SH2D4A: variants seen among roughly 807,000 people sequenced by gnomAD.
The protein encoded by SH2D4A is SH2 domain containing 4A.
SH2D4A carries 70 observed loss-of-function variants against 64.7 expected under a neutral mutation model. The ratio of observed to expected loss-of-function variants is 1.08; its 90% CI spans 0.89 to 1.32. The LOEUF (loss-of-function observed/expected upper bound fraction) is 1.32. Among genes scored for constraint, SH2D4A ranks in the 40% most tolerant of loss-of-function variants. The probability of loss-of-function intolerance (pLI) is 0.00; values close to 1 mark genes in which losing one functional copy is unlikely to be tolerated. For missense variants in SH2D4A, 706 were observed against 540.1 expected, an observed-to-expected ratio of 1.31 and a Z score of -3.04; for synonymous variants, 268 against 200.7, an observed-to-expected ratio of 1.34 and a Z score of -2.83.
chr8:19,364,184 G>T lies in SH2D4A; in HGVS notation c.819G>T (p.Leu273=), dbSNP rs371036317. The T allele has an allele frequency of 6.2e-7, 1 of 1,614,030 alleles. No homozygotes were observed. Among genetic ancestry groups the T allele is most frequent in the Non-Finnish European group, 8.5e-7 (1 of 1,180,006 alleles). Residue 273 remains leucine, a synonymous_variant, in exon 7 of 10, where the codon CTG becomes CTT. Transcript: ENST00000265807. ...GAQKGRGGER[L]QSPLRVPQKP... ...AGAAAGGAAGAGGCGGTGAGAGGCT[G>T]CAAAGCCCCTTGCGTGTTCCGCAGA...
At chr8:19,345,385 T>C (rs1053108312) in intron 4 of SH2D4A, among the ~76,000 whole-genome samples, 3 of 152,266 alleles carry the variant, frequency 2.0e-5, no homozygotes, top group South Asian at 2.1e-4. Context: ...GAATGTTTTT[T>C]CTTATCACTA....
chr8:19,393,392 A>C lies in SH2D4A; in HGVS notation c.1123A>C (p.Ser375Arg), dbSNP rs1472696310. The C allele has an allele frequency of 6.2e-7, 1 of 1,614,006 alleles. No individual in the cohort carries two copies. ...GMPGSFLIRVSERIKGYALSY... is the reference protein window; with the variant it reads ...GMPGSFLIRVRERIKGYALSY... ...GCCCGGCAGTTTTCTCATCCGAGTC[A>C]GTGAAAGGATCAAAGGCTATGCCCT... Residue 375 changes from serine (S) to arginine (R), a missense_variant, in exon 9 of 10, where the codon AGT becomes CGT. Physicochemically the swap from Ser to Arg is moderately radical, Grantham distance 110. Coordinates refer to ENST00000265807, the MANE Select transcript of SH2D4A (RefSeq NM_022071.4).
chr8:19,369,919 CTTTCT>C (rs2053066141), intron 7 of SH2D4A, among the ~76,000 whole-genome samples: 2 of 151,950 alleles, frequency 1.3e-5, no homozygotes, highest in Non-Finnish European at 2.9e-5. Flanking sequence ...TATTTGATAT[CTTTCT>C]ACTTTTTTGA....
chr8:19,372,500 A>G (rs1219679111), intron 7 of SH2D4A, among the ~76,000 whole-genome samples: 5 of 152,094 alleles, frequency 3.3e-5, no homozygotes, highest in African/African-American at 7.2e-5. Flanking sequence ...TGGAGCTGAT[A>G]TTGGACCCCA....
rs187082815 is a variant in SH2D4A at position 19,325,651 on chromosome 8, C to G, written c.181+5923C>G. Among the ~76,000 whole-genome samples the G allele has an allele frequency of 3.9e-5, 6 of 152,178 alleles. No homozygotes were observed. The South Asian group carries it at 1.2e-3, about 31-fold the overall frequency. ...CTAGTTCTTCCATCTGCTTTTCCAG[C>G]GGAGGTTCTCTCGTTTCTATACTGC... is the stretch of plus-strand genomic sequence containing the variant. On this transcript the variant is annotated intron_variant, in intron 2 of 9. Coordinates refer to ENST00000265807, the MANE Select transcript of SH2D4A (RefSeq NM_022071.4).
At chr8:19,358,626 A>G (rs1162281325) in intron 5 of SH2D4A, among the ~76,000 whole-genome samples, 3 of 152,168 alleles carry the variant, frequency 2.0e-5, no homozygotes, top group Non-Finnish European at 4.4e-5. Flanking sequence ...ATGGTGGGGA[A>G]AGGGCTGATC....
chr8:19,321,700 G>A (rs1008724884), intron 2 of SH2D4A, among the ~76,000 whole-genome samples: 1 of 152,102 alleles, frequency 6.6e-6, no homozygotes, highest in Non-Finnish European at 1.5e-5. Context: ...GGATTCCCCA[G>A]TCAGAGTTTT....
chr8:19,373,454 A>ATG, intron 7 of SH2D4A, 76 bp from the exon 8 acceptor site: 1 of 930,770 alleles, frequency 1.1e-6, no homozygotes, highest in South Asian at 2.4e-5. Flanking sequence ...GTATATATAT[A>ATG]TATATATATA....
chr8:19,351,618 A>AAAAAAC (rs1007625241), intron 4 of SH2D4A, among the ~76,000 whole-genome samples: 1 of 152,122 alleles, frequency 6.6e-6, no homozygotes, highest in African/African-American at 2.4e-5. Context: ...ACAAAACAAA[A>AAAAAAC]AAAAACAAAA....
chr8:19,314,100 C>T (rs1172818295), intron 1 of SH2D4A: 3 of 1,158,126 alleles, frequency 2.6e-6, no homozygotes, highest in Non-Finnish European at 3.2e-6. Flanking sequence ...GTCCCCGGGG[C>T]CTGGGGGCTT....
intron 8 of SH2D4A, chr8:19,375,699 G>A (rs1263706792): frequency 6.6e-6 from 1 of 152,154 alleles, no homozygotes; most frequent in East Asian, 1.9e-4. Context: ...GTAGTTAATA[G>A]AGTATTGTGT....
chr8:19,383,446 G>T (rs1341138850), intron 8 of SH2D4A, among the ~76,000 whole-genome samples: 2 of 149,618 alleles, frequency 1.3e-5, no homozygotes, highest in African/African-American at 4.9e-5. Flanking sequence ...TTGTGCATAC[G>T]TAAAGTCTTT....
chr8:19,395,770 C>T lies in SH2D4A; in HGVS notation c.*1128C>T, dbSNP rs150056941. 1 of 152,174 alleles carries T rather than the reference C, an allele frequency of 6.6e-6. No homozygotes were observed. The highest frequency in any genetic ancestry group is 6.5e-5 in the Admixed American group (1 of 15,274). 9.4% of individuals were successfully genotyped at this position (152,174 alleles called of 1,614,324 possible). ...ATGGCCCTGACTTCAGAATTCCAGACTCCAGAACTGGAAGAATAAATGTCT... is the reference window on the plus strand; with the variant it reads ...ATGGCCCTGACTTCAGAATTCCAGATTCCAGAACTGGAAGAATAAATGTCT... On this transcript the variant is annotated 3_prime_UTR_variant, in exon 10 of 10. Transcript: ENST00000265807.
chr8:19,359,732 AG>A (rs1282755672), intron 5 of SH2D4A, among the ~76,000 whole-genome samples: 3,973 of 152,316 alleles, frequency 0.026, 152 homozygotes, highest in African/African-American at 0.09. Flanking sequence ...ACAGAAGTTT[AG>A]TTACATCTGC....
intron 8 of SH2D4A, 42 bp from the exon 9 acceptor site, chr8:19,393,276 A>ATGAT: frequency 6.3e-7 from 1 of 1,584,122 alleles, no homozygotes; most frequent in Non-Finnish European, 8.7e-7. Flanking sequence ...ATTTTCTGGA[A>ATGAT]TGATTTGGCT....
At chr8:19,348,154 G>C (rs1220969413) in intron 4 of SH2D4A, among the ~76,000 whole-genome samples, 1 of 152,066 alleles carries the variant, frequency 6.6e-6, no homozygotes, top group Non-Finnish European at 1.5e-5. Flanking sequence ...GGAGTGCCAC[G>C]GTGCAATAAT....
rs1027350685 is a variant in SH2D4A at position 19,364,355 on chromosome 8, G to A, written c.917+73G>A. 190 of 1,532,274 alleles carry A rather than the reference G, an allele frequency of 1.2e-4. 1 individual carries two copies. Among genetic ancestry groups the A allele is most frequent in the Non-Finnish European group, 2.3e-5 (26 of 1,122,254 alleles). 94.9% of individuals were successfully genotyped at this position (1,532,274 alleles called of 1,614,324 possible). A position where few individuals can be genotyped will look rare whatever the true frequency, so the allele number is the denominator to read the frequency against. On this transcript the variant is annotated intron_variant, in intron 7 of 9. Coordinates refer to ENST00000265807, the MANE Select transcript of SH2D4A (RefSeq NM_022071.4). ...TTGAATAAGCGTTGAAATTAAAGGG[G>A]AATTGTATGAGCTGCCATGGGGTGT...
chr8:19,362,230 C>G (rs1055948275), intron 6 of SH2D4A, among the ~76,000 whole-genome samples: 1 of 152,194 alleles, frequency 6.6e-6, no homozygotes. Flanking sequence ...CCAGTAGGCT[C>G]TTTGTACTAT....
intron 2 of SH2D4A, among the ~76,000 whole-genome samples, chr8:19,326,578 GTCTTT>G (rs1177914313): frequency 2.0e-5 from 3 of 152,134 alleles, no homozygotes; most frequent in Admixed American, 2.0e-4. Context: ...TCAGTCTTTG[GTCTTT>G]TCTTTGTGGG....
Sources: allele counts gnomAD v4.1 joint callset (sites outside exome capture counted in the v4.1 genomes callset), GRCh38; gene constraint gnomAD v4.1.1; transcripts MANE v1.5; gene names NCBI Gene and HGNC (gene_info 2026-07-23, HGNC 2026-07-21).